Variants in ARPP21 observed in about 807,000 individuals in gnomAD.
The protein encoded by ARPP21 is cAMP regulated phosphoprotein 21.
A neutral mutation model predicts 113.2 loss-of-function variants in ARPP21; 69 were observed. That is an observed-to-expected ratio of 0.61 (90% confidence interval 0.50 to 0.74). The LOEUF (loss-of-function observed/expected upper bound fraction) is 0.74. Among genes scored for constraint, ARPP21 ranks in the 30% least tolerant of loss-of-function variants. The probability of loss-of-function intolerance (pLI) is 0.00; values close to 1 mark genes in which losing one functional copy is unlikely to be tolerated. For synonymous variants in ARPP21, 368 were observed against 375.5 expected, an observed-to-expected ratio of 0.98 and a Z score of 0.23; for missense variants, 1,070 against 1,037.4, an observed-to-expected ratio of 1.03 and a Z score of -0.43.
At chr3:35,660,825 T>C (rs1291449344) in intron 1 of ARPP21, among the ~76,000 whole-genome samples, 1 of 152,184 alleles carries the variant, frequency 6.6e-6, no homozygotes, top group African/African-American at 2.4e-5. Flanking sequence ...TTTTTTTCCC[T>C]AAATAATGAA....
chr3:35,656,811 TA>T (rs1487929751), intron 1 of ARPP21, among the ~76,000 whole-genome samples: 1 of 152,018 alleles, frequency 6.6e-6, no homozygotes, highest in Admixed American at 6.6e-5. Context: ...ATTTACTGTA[TA>T]ATAGTTTTAA....
In ARPP21 at chr3:35,794,033, G is replaced by A; in HGVS notation, c.*75G>A. On this transcript the variant is annotated 3_prime_UTR_variant, in exon 21 of 21. Transcript: ENST00000684406. Reference sequence around the variant, plus strand: ...GGAAGAGGAACAAGGTGGGAAAACTGGCTGAGGACTTAAGTATTCACTCAA... The same window carrying A: ...GGAAGAGGAACAAGGTGGGAAAACTAGCTGAGGACTTAAGTATTCACTCAA... The A allele has an allele frequency of 7.3e-7, 1 of 1,362,446 alleles. No individual in the cohort carries two copies. The highest frequency in any genetic ancestry group is 1.3e-5 in the South Asian group (1 of 76,892). 84.4% of individuals were successfully genotyped at this position (1,362,446 alleles called of 1,614,324 possible).
At chr3:35,747,460 A>G (rs940007641) in intron 19 of ARPP21, among the ~76,000 whole-genome samples, 1 of 152,118 alleles carries the variant, frequency 6.6e-6, no homozygotes. Context: ...TACATTTGTG[A>G]GAAAAATAAA....
intron 20 of ARPP21, among the ~76,000 whole-genome samples, chr3:35,792,738 C>T (rs2151928129): frequency 6.6e-6 from 1 of 152,292 alleles, no homozygotes; most frequent in East Asian, 1.9e-4. Context: ...TTTGAATGCT[C>T]TCCTAAGTTT....
intron 15 of ARPP21, among the ~76,000 whole-genome samples, chr3:35,732,972 G>A (rs2094094176): frequency 6.6e-6 from 1 of 152,004 alleles, no homozygotes; most frequent in African/African-American, 2.4e-5. Flanking sequence ...TCCATAATCA[G>A]TAGCTCCCTT....
At chr3:35,676,286 CT>C (rs748878187) in intron 1 of ARPP21, among the ~76,000 whole-genome samples, 3 of 151,908 alleles carry the variant, frequency 2.0e-5, no homozygotes, top group Non-Finnish European at 4.4e-5. Context: ...GTTCCTTCCA[CT>C]TTTGGCATTC....
intron 13 of ARPP21, 132 bp from the exon 14 acceptor site, chr3:35,721,473 T>A: frequency 4.8e-6 from 3 of 621,598 alleles, no homozygotes. Context: ...AGGCAACTGG[T>A]TTAATGAAAA....
chr3:35,706,940 A>C (rs191937690), intron 9 of ARPP21, 34 bp from the exon 10 acceptor site: 13 of 1,543,134 alleles, frequency 8.4e-6, no homozygotes, highest in South Asian at 1.2e-5. Flanking sequence ...AGGGGGAAAA[A>C]CTTTTTTATT....
intron 1 of ARPP21, among the ~76,000 whole-genome samples, chr3:35,668,027 A>AAGAAGAAGAAGGAGAAGGAGAAGG (rs1553646509): frequency 7.6e-6 from 1 of 132,368 alleles, no homozygotes; most frequent in African/African-American, 2.8e-5. Context: ...GAAGAAGAAG[A>AAGAAGAAGAAGGAGAAGGAGAAGG]AGAAGGAGAA....
intron 1 of ARPP21, among the ~76,000 whole-genome samples, chr3:35,655,316 A>G (rs1169641903): frequency 6.6e-6 from 1 of 151,994 alleles, no homozygotes; most frequent in Admixed American, 6.6e-5. Flanking sequence ...CTTTATTATT[A>G]TGACTGATGG....
rs185012567 is a variant in ARPP21, at chr3:35,703,767, C to T, written c.687-3207C>T. ...GAGAATGTTTTCATCCAATTACATTCACATATTAATACATTAAAAGTTATC... is the reference window on the plus strand; with the variant it reads ...GAGAATGTTTTCATCCAATTACATTTACATATTAATACATTAAAAGTTATC... On this transcript the variant is annotated intron_variant, in intron 9 of 20. Transcript: ENST00000684406. Among the ~76,000 whole-genome samples the T allele has an allele frequency of 2.8e-3, 418 of 151,942 alleles. 2 individuals carry two copies. The highest frequency in any genetic ancestry group is 9.3e-3 in the African/African-American group (385 of 41,538).
intron 18 of ARPP21, 100 bp downstream of exon 18, chr3:35,739,677 C>T: frequency 2.1e-6 from 3 of 1,411,472 alleles, no homozygotes; most frequent in Non-Finnish European, 2.9e-6. Context: ...CTCCCTCTTC[C>T]CTTTCTAGTC....
At chr3:35,700,072 A>G (rs2085712384) in intron 9 of ARPP21, among the ~76,000 whole-genome samples, 1 of 151,820 alleles carries the variant, frequency 6.6e-6, no homozygotes, top group Admixed American at 6.6e-5. Context: ...AGTTTCTAAA[A>G]TTTGTTAAGT....
intron 12 of ARPP21, among the ~76,000 whole-genome samples, chr3:35,716,241 T>C (rs1202819493): frequency 6.6e-6 from 1 of 152,106 alleles, no homozygotes; most frequent in Non-Finnish European, 1.5e-5. Context: ...TTAAGAGGCA[T>C]CAAAATGAGC....
intron 9 of ARPP21, among the ~76,000 whole-genome samples, chr3:35,691,589 T>G (rs2082259670): frequency 6.6e-6 from 1 of 151,722 alleles, no homozygotes; most frequent in East Asian, 2.0e-4. Flanking sequence ...CATCTAAGAC[T>G]TAGCTCTAAA....
At chr3:35,747,787 A>C (rs1470555569) in intron 19 of ARPP21, among the ~76,000 whole-genome samples, 1 of 151,856 alleles carries the variant, frequency 6.6e-6, no homozygotes, top group Non-Finnish European at 1.5e-5. Flanking sequence ...CTTTATAAAA[A>C]TTCATTGTGT....
At chr3:35,778,443 C>T (rs978661463) in intron 19 of ARPP21, among the ~76,000 whole-genome samples, 4 of 152,046 alleles carry the variant, frequency 2.6e-5, no homozygotes, top group Non-Finnish European at 5.9e-5. Flanking sequence ...GTTCCCTTTT[C>T]ACCTTGGGAT....
At chr3:35,683,636 G>A (rs568815995) in intron 4 of ARPP21, 90 bp from the exon 5 acceptor site, 2 of 705,980 alleles carry the variant, frequency 2.8e-6, no homozygotes, top group East Asian at 2.7e-5. Context: ...GGGAAGTTAT[G>A]TAAATGTGGA....
chr3:35,745,672 C>T (rs144792153), intron 19 of ARPP21, among the ~76,000 whole-genome samples: 49 of 152,224 alleles, frequency 3.2e-4, no homozygotes, highest in African/African-American at 1.1e-3. Context: ...TTTAGGCCTC[C>T]CCCACTGACT....
Sources: allele counts gnomAD v4.1 joint callset (sites outside exome capture counted in the v4.1 genomes callset), GRCh38; gene constraint gnomAD v4.1.1; transcripts MANE v1.5; gene names NCBI Gene and HGNC (gene_info 2026-07-23, HGNC 2026-07-21).